The following AAAS variants were observed in gnomAD, a reference collection of about 807,000 sequenced individuals.
The protein encoded by AAAS is aladin WD repeat nucleoporin.
In AAAS, 60 loss-of-function variants were observed where a neutral mutation model predicts 75.6. The observed-to-expected ratio is 0.79, with a 90% CI of 0.64 to 0.98. The LOEUF (loss-of-function observed/expected upper bound fraction) is 0.98, where lower values mean the gene tolerates loss of function less well. AAAS is among the 50% of genes least tolerant of loss of function. The probability of loss-of-function intolerance (pLI) is 0.00; values close to 1 mark genes in which losing one functional copy is unlikely to be tolerated. For synonymous variants in AAAS, 271 were observed against 265.0 expected (o/e 1.02, Z -0.22); for missense variants, 658 against 686.9 (o/e 0.96, Z 0.47).
intron 4 of AAAS, 57 bp from the exon 5 acceptor site, chr12:53,315,197 A>G (rs1449387790): frequency 1.2e-6 from 2 of 1,604,280 alleles, no homozygotes; most frequent in South Asian, 1.1e-5. Context: ...CATCTCCTCA[A>G]TATTCCAACA....
intron 8 of AAAS, among the ~76,000 whole-genome samples, 159 bp from the exon 9 acceptor site, chr12:53,309,440 A>C (rs548771406): frequency 4.6e-5 from 7 of 152,218 alleles, no homozygotes; most frequent in Non-Finnish European, 8.8e-5. Flanking sequence ...CAGACAGCGG[A>C]ATTTTAAACC....
At chr12:53,316,060 T>A (rs1944456832) in intron 2 of AAAS, among the ~76,000 whole-genome samples, 1 of 152,186 alleles carries the variant, frequency 6.6e-6, no homozygotes. Context: ...AGACAATGAA[T>A]GGAAAGCCAT....
chr12:53,315,656 G>C, intron 3 of AAAS, 71 bp downstream of exon 3: 3 of 1,554,502 alleles, frequency 1.9e-6, no homozygotes, highest in Admixed American at 3.5e-5. Context: ...AACAGGTGTC[G>C]GGGGTGAGTT....
In AAAS at chr12:53,307,558, G is replaced by A; in HGVS notation, c.1572C>T (p.Thr524=). ...CTGGGAGAGGGTCCCAAGGGGCAGAGGTTGGGGATGTCTCAGTAAAGAGGG... is the reference window on the plus strand; with the variant it reads ...CTGGGAGAGGGTCCCAAGGGGCAGAAGTTGGGGATGTCTCAGTAAAGAGGG... ...DLPLFTETSP[T]SAPWDPLPGP... The change falls in exon 16 of 16, where the codon ACC becomes ACT. Residue 524 remains threonine, a synonymous_variant. Transcript: ENST00000209873. 2 of 1,614,220 alleles carry A rather than the reference G, an allele frequency of 1.2e-6. No individual in the cohort carries two copies. The highest frequency in any genetic ancestry group is 1.3e-5 in the African/African-American group (1 of 75,070).
rs775810174 is a variant in AAAS at position 53,308,291 on chromosome 12, G to A, written c.1240C>T (p.Leu414Phe). The change falls in exon 13 of 16, where the codon CTT (leucine) becomes TTT (phenylalanine). Residue 414 changes from leucine (L) to phenylalanine (F), a missense_variant. Leu to Phe is a conservative substitution (Grantham distance 22). Transcript: ENST00000209873. ...CATCCTTGCCTCTCACCTTTCATAA[G>A]CACAGCCAGACGTTCCCCACTGGGG... ...WDPSGERLAV[L>F]MKGKPRVQDG... 6.8e-6 allele frequency: 11 copies of A among 1,614,046 alleles called. No individual in the cohort carries two copies. The highest frequency in any genetic ancestry group is 9.3e-6 in the Non-Finnish European group (11 of 1,180,030).
chr12:53,314,445 G>C lies in AAAS; in HGVS notation c.546-4C>G, dbSNP rs772208074. On this transcript the variant is annotated splice_polypyrimidine_tract_variant and splice_region_variant and intron_variant, in intron 6 of 15. Coordinates refer to ENST00000209873, the MANE Select transcript of AAAS (RefSeq NM_015665.6). ...CTTCAGGGAGGGGACTATGGTGCTA[G>C]GGTGAAGGGGCAGGAAACTGAGTCA... 2 of 1,614,054 alleles carry C rather than the reference G, an allele frequency of 1.2e-6. No homozygotes were observed. The highest frequency in any genetic ancestry group is 1.7e-6 in the Non-Finnish European group (2 of 1,180,028).
At chr12:53,320,219 G>T (rs1944532429) in intron 2 of AAAS, among the ~76,000 whole-genome samples, 1 of 152,184 alleles carries the variant, frequency 6.6e-6, no homozygotes, top group Non-Finnish European at 1.5e-5. Flanking sequence ...CCTTATATCT[G>T]ATCTTGCTGA....
At chr12:53,309,082 T>C in intron 9 of AAAS, 62 bp from the exon 10 acceptor site, 1 of 1,614,170 alleles carries the variant, frequency 6.2e-7, no homozygotes, top group Non-Finnish European at 8.5e-7. Context: ...TGGACCTACC[T>C]CCCTTGACAG....
In AAAS at chr12:53,321,428, C is replaced by G. The variant is rs757113949; in HGVS notation, c.38G>C (p.Arg13Pro). The G allele has an allele frequency of 6.2e-7, 1 of 1,614,236 alleles. No individual in the cohort carries two copies. The highest frequency in any genetic ancestry group is 1.1e-5 in the South Asian group (1 of 91,086). Reference sequence around the variant, plus strand: ...GTGCTCATATAGGGTGACTTGACCCCGAGGCGGTGGAGGAGGGAACAACCC... The same window carrying G: ...GTGCTCATATAGGGTGACTTGACCCGGAGGCGGTGGAGGAGGGAACAACCC... The part of the protein sequence containing the change: ...SLGLFPPPPP[R>P]GQVTLYEHNN... Residue 13 changes from arginine (R) to proline (P), a missense_variant, in exon 1 of 16, where the codon CGG (arginine) becomes CCG (proline). By Grantham distance (103) the Arg-to-Pro change is moderately radical (BLOSUM62 -2). Transcript: ENST00000209873.
At chr12:53,315,690 C>T (rs1397047836) in intron 3 of AAAS, 37 bp downstream of exon 3, 2 of 1,609,534 alleles carry the variant, frequency 1.2e-6, no homozygotes, top group Non-Finnish European at 1.7e-6. Flanking sequence ...AGGAGATAAC[C>T]ACAAAACTAG....
chr12:53,311,610 A>G (rs1386263500), intron 7 of AAAS, among the ~76,000 whole-genome samples: 1 of 151,916 alleles, frequency 6.6e-6, no homozygotes, highest in Non-Finnish European at 1.5e-5. Flanking sequence ...ATGAAACCCC[A>G]TCTCTAAAAA....
In AAAS at chr12:53,321,217, C is replaced by A. The variant is rs139859813; in HGVS notation, c.123+126G>T. 4.4e-4 allele frequency: 648 copies of A among 1,458,568 alleles called. 8 individuals are homozygous for A. In the East Asian group the frequency reaches 0.015, roughly 33 times the overall value. The allele number at this position is 1,458,568 out of a possible 1,614,324, so 90.4% of individuals were successfully genotyped here. On this transcript the variant is annotated intron_variant, in intron 1 of 15. Transcript: ENST00000209873. ...GATTCCAGCCCTTCTAGCCTCCTGC[C>A]GGGGCCAAGCTGTTTCCACTCCGCC...
chr12:53,318,415 A>G (rs1337643770), intron 2 of AAAS, among the ~76,000 whole-genome samples: 2 of 151,976 alleles, frequency 1.3e-5, no homozygotes, highest in South Asian at 2.1e-4. Flanking sequence ...GTTTCACCAC[A>G]TTGGCCAGGC....
Position 53,320,692 on chromosome 12 carries a change from A to C in AAAS, c.124T>G (p.Trp42Gly), listed in dbSNP as rs1172807379. Residue 42 changes from tryptophan to glycine, a missense_variant and splice_region_variant, in exon 2 of 16, where the codon TGG becomes GGG. Coordinates refer to ENST00000209873, the MANE Select transcript of AAAS (RefSeq NM_015665.6). ...AGTTGTAGGACAGGAAGATTGATCCACTATAGCACAAAAGTGAGGAGTGTG... is the reference window on the plus strand; with the variant it reads ...AGTTGTAGGACAGGAAGATTGATCCCCTATAGCACAAAAGTGAGGAGTGTG... ...ESPPPDFRGQ[W>G]INLPVLQLTK... The C allele has an allele frequency of 6.2e-7, 1 of 1,614,088 alleles. No homozygotes were observed. The highest frequency in any genetic ancestry group is 2.2e-5 in the East Asian group (1 of 44,878).
intron 7 of AAAS, among the ~76,000 whole-genome samples, chr12:53,311,203 G>A (rs1018039550): frequency 2.0e-5 from 3 of 152,016 alleles, no homozygotes; most frequent in Non-Finnish European, 2.9e-5. Flanking sequence ...CTCAGCCTCC[G>A]AAAGTGCTGG....
At chr12:53,309,484 A>G (rs1944352399) in intron 8 of AAAS, 117 bp downstream of exon 8, 1 of 1,571,058 alleles carries the variant, frequency 6.4e-7, no homozygotes, top group African/African-American at 1.3e-5. Flanking sequence ...CTCTCTGGGT[A>G]AGTTTAAGAC....
rs1285653146 is a variant in AAAS at position 53,307,544 on chromosome 12, T to C, written c.1586A>G (p.Asp529Gly). 1 of 1,613,894 alleles carries C rather than the reference T, an allele frequency of 6.2e-7. No individual in the cohort carries two copies. Among genetic ancestry groups the C allele is most frequent in the South Asian group, 1.1e-5 (1 of 91,074 alleles). The change falls in exon 16 of 16, where the codon GAC becomes GGC. Residue 529 changes from aspartate to glycine, a missense_variant. Coordinates refer to ENST00000209873, the MANE Select transcript of AAAS (RefSeq NM_015665.6). Reference sequence around the variant, plus strand: ...AACAGGTGGTGGCCCTGGGAGAGGGTCCCAAGGGGCAGAGGTTGGGGATGT... The same window carrying C: ...AACAGGTGGTGGCCCTGGGAGAGGGCCCCAAGGGGCAGAGGTTGGGGATGT... ...TETSPTSAPWDPLPGPPPVLP... is the reference protein window; with the variant it reads ...TETSPTSAPWGPLPGPPPVLP...
intron 1 of AAAS, chr12:53,321,096 T>G: frequency 1.6e-6 from 1 of 610,894 alleles, no homozygotes; most frequent in Admixed American, 3.1e-5. Flanking sequence ...ATCCTCACAC[T>G]CCCTAGATTC....
rs1944555204 is a variant in AAAS at position 53,321,426 on chromosome 12, C to T, written c.40G>A (p.Gly14Ser). 1 of 1,614,226 alleles carries T rather than the reference C, an allele frequency of 6.2e-7. No individual in the cohort carries two copies. Among genetic ancestry groups the T allele is most frequent in the East Asian group, 2.2e-5 (1 of 44,886 alleles). ...TTGTGCTCATATAGGGTGACTTGAC[C>T]CCGAGGCGGTGGAGGAGGGAACAAC... The part of the protein sequence containing the change: ...LGLFPPPPPR[G>S]QVTLYEHNNE... Residue 14 changes from glycine to serine, a missense_variant, in exon 1 of 16, where the codon GGT (glycine) becomes AGT (serine). By Grantham distance (56) the Gly-to-Ser change is moderately conservative. Transcript: ENST00000209873.
Sources: gnomAD v4.1 joint callset for allele counts (sites outside exome capture counted in the v4.1 genomes callset) on GRCh38, gnomAD v4.1.1 for gene constraint, MANE v1.5 for transcripts, NCBI Gene and HGNC (gene_info 2026-07-23, HGNC 2026-07-21) for gene names.